The following WDR37 variants were observed in gnomAD, a reference collection of about 807,000 sequenced individuals.
The protein encoded by WDR37 is WD repeat domain 37.
WDR37 carries 19 observed loss-of-function variants against 62.9 expected under a neutral mutation model. That is an observed-to-expected ratio of 0.30 (90% confidence interval 0.21 to 0.44). The LOEUF (loss-of-function observed/expected upper bound fraction) is 0.44, where lower values mean the gene tolerates loss of function less well. WDR37 is among the 20% of genes least tolerant of loss of function. The pLI, the probability that WDR37 is intolerant of heterozygous loss-of-function variation, is 1.00. For synonymous variants in WDR37, 250 were observed against 260.9 expected (o/e 0.96, Z 0.40); for missense variants, 474 against 657.6 (o/e 0.72, Z 3.05).
rs752382360 is a variant in WDR37 at position 1,096,119 on chromosome 10, A to G, written c.650-51A>G. On this transcript the variant is annotated intron_variant, in intron 8 of 13. Coordinates refer to ENST00000263150, the MANE Select transcript of WDR37 (RefSeq NM_014023.4). ...TAGCCATAGTGGCGGTGAAGAGCGC[A>G]TTTTACCATGGTCTGTGCCTTGGGT... The G allele has an allele frequency of 3.1e-6, 5 of 1,591,746 alleles. No individual in the cohort carries two copies. The South Asian group carries it at 4.4e-5, about 14-fold the overall frequency.
At chr10:1,125,359 G>A (rs192628918) in intron 13 of WDR37, among the ~76,000 whole-genome samples, 1 of 152,206 alleles carries the variant, frequency 6.6e-6, no homozygotes, top group Non-Finnish European at 1.5e-5. Flanking sequence ...GAGTAGCTGA[G>A]ATTACAGGCA....
intron 11 of WDR37, among the ~76,000 whole-genome samples, chr10:1,117,484 A>AT (rs1835439015): frequency 6.6e-6 from 1 of 152,250 alleles, no homozygotes; most frequent in African/African-American, 2.4e-5. Flanking sequence ...GAACTCATAA[A>AT]TAAGGACTTA....
chr10:1,105,320 G>T lies in WDR37; in HGVS notation c.1103+53G>T, dbSNP rs1198232685. On this transcript the variant is annotated intron_variant, in intron 11 of 13. Coordinates refer to ENST00000263150, the MANE Select transcript of WDR37 (RefSeq NM_014023.4). This position sits in a 1 kb window ranked among gnomAD's most constrained non-coding sequence, Gnocchi z 5.3. ...CCTTAGTCATGAAAAAGTTCTGTGG[G>T]TTGACATGAAAACTTAATTCTAGCC... 11 of 1,564,644 alleles carry T rather than the reference G, an allele frequency of 7.0e-6. No homozygotes were observed. The highest frequency in any genetic ancestry group is 1.4e-5 in the African/African-American group (1 of 73,788).
chr10:1,089,538 G>A (rs1834311107), intron 7 of WDR37, among the ~76,000 whole-genome samples: 1 of 152,156 alleles, frequency 6.6e-6, no homozygotes, highest in South Asian at 2.1e-4. Context: ...TCCTGTTCTT[G>A]TGCCTGGCTT....
intron 9 of WDR37, among the ~76,000 whole-genome samples, chr10:1,097,887 C>T (rs12784270): frequency 0.39 from 58,870 of 152,012 alleles, 12,730 homozygotes; most frequent in South Asian, 0.52. Flanking sequence ...CCGTGGTTTA[C>T]GGCTGGAGGG....
intron 7 of WDR37, among the ~76,000 whole-genome samples, chr10:1,092,179 C>CAA (rs1216415362): frequency 0.011 from 757 of 68,812 alleles, 15 homozygotes; most frequent in African/African-American, 0.042. Flanking sequence ...GACTCCGTCT[C>CAA]AAAAAAAAAA....
At chr10:1,127,858 T>C (rs1417126383) in intron 13 of WDR37, among the ~76,000 whole-genome samples, 1 of 152,210 alleles carries the variant, frequency 6.6e-6, no homozygotes, top group African/African-American at 2.4e-5. Flanking sequence ...TGGGTGGCAA[T>C]GCTGTGGGCG....
At chr10:1,111,335 C>G (rs935934701) in intron 11 of WDR37, among the ~76,000 whole-genome samples, 9 of 152,164 alleles carry the variant, frequency 5.9e-5, no homozygotes, top group Admixed American at 4.6e-4. Context: ...GCTCTAAAGG[C>G]TTAAGGTAAC....
chr10:1,084,569 G>T (rs201134296), intron 6 of WDR37, 31 bp downstream of exon 6: 7 of 1,603,888 alleles, frequency 4.4e-6, no homozygotes, highest in Non-Finnish European at 5.1e-6. Context: ...GCCAGCCTGC[G>T]GAAGCATGGC....
chr10:1,129,118 G>A (rs1011463061), intron 13 of WDR37, 95 bp from the exon 14 acceptor site: 34 of 1,537,110 alleles, frequency 2.2e-5, no homozygotes, highest in African/African-American at 4.1e-5. Context: ...TATAACTTAC[G>A]TACTTTGAGT....
At chr10:1,077,817 C>T (rs1833924160) in intron 2 of WDR37, 90 bp from the exon 3 acceptor site, 4 of 949,214 alleles carry the variant, frequency 4.2e-6, no homozygotes, top group East Asian at 5.2e-5. Context: ...TAAGAGTTTA[C>T]AATAAAAGAT....
At chr10:1,110,231 C>T (rs1835169609) in intron 11 of WDR37, among the ~76,000 whole-genome samples, 1 of 152,184 alleles carries the variant, frequency 6.6e-6, no homozygotes, top group Admixed American at 6.5e-5. Context: ...GGTTTCTCAG[C>T]TGTGCGCATG....
intron 1 of WDR37, 66 bp from the exon 2 acceptor site, chr10:1,072,050 C>T (rs1165870493): frequency 1.2e-5 from 16 of 1,299,346 alleles, no homozygotes; most frequent in African/African-American, 1.2e-4. Context: ...TCATTATCTT[C>T]TTCACTGTTT....
intron 11 of WDR37, among the ~76,000 whole-genome samples, chr10:1,119,806 T>C (rs1176288500): frequency 6.6e-6 from 1 of 152,208 alleles, no homozygotes; most frequent in East Asian, 1.9e-4. Context: ...TAAATATTTG[T>C]TGCATGAACA....
intron 13 of WDR37, among the ~76,000 whole-genome samples, chr10:1,126,359 T>C (rs1293347752): frequency 2.7e-5 from 4 of 148,190 alleles, no homozygotes; most frequent in Non-Finnish European, 5.9e-5. Flanking sequence ...TGAGCTGAGA[T>C]CGCGCCACTG....
At chr10:1,066,081 A>G (rs561437479) in intron 1 of WDR37, among the ~76,000 whole-genome samples, 24 of 149,664 alleles carry the variant, frequency 1.6e-4, no homozygotes, top group African/African-American at 6.0e-4. Flanking sequence ...AAAAATAAAA[A>G]GAGAGATGTT....
intron 2 of WDR37, among the ~76,000 whole-genome samples, chr10:1,075,318 C>T (rs1288328999): frequency 2.1e-5 from 3 of 145,330 alleles, no homozygotes; most frequent in Non-Finnish European, 4.5e-5. Flanking sequence ...TTCTGGGGTA[C>T]ATGTGCACAA....
chr10:1,084,417 T>C lies in WDR37; in HGVS notation c.411T>C (p.Phe137=). ...KASTSKIVSS[F]KTTTSRAACQ... is the part of the protein sequence containing the mutation. Reference sequence around the variant, plus strand: ...CTTGGTTTCAGATTGTCTCCAGCTTTAAGACCACGACATCGAGAGCTGCCT... The same window carrying C: ...CTTGGTTTCAGATTGTCTCCAGCTTCAAGACCACGACATCGAGAGCTGCCT... Residue 137 remains phenylalanine (F), a synonymous_variant, in exon 6 of 14, where the codon TTT becomes TTC. Coordinates refer to ENST00000263150, the MANE Select transcript of WDR37 (RefSeq NM_014023.4). 6.2e-7 allele frequency: 1 copy of C among 1,613,926 alleles called. No individual in the cohort carries two copies. The highest frequency in any genetic ancestry group is 2.2e-5 in the East Asian group (1 of 44,874).
chr10:1,124,897 C>T lies in WDR37; in HGVS notation c.1239-13C>T. 1.9e-6 allele frequency: 3 copies of T among 1,613,710 alleles called. No individual in the cohort carries two copies. Among genetic ancestry groups the T allele is most frequent in the Non-Finnish European group, 1.7e-6 (2 of 1,179,900 alleles). On this transcript the variant is annotated splice_polypyrimidine_tract_variant and intron_variant, in intron 12 of 13. Coordinates refer to ENST00000263150, the MANE Select transcript of WDR37 (RefSeq NM_014023.4). ...TGTTTCATGCACAACCCACTTTTAC[C>T]TCTTCTTTGCAGGATCAATGTATGT...
Sources: gnomAD v4.1 joint callset for allele counts (sites outside exome capture counted in the v4.1 genomes callset) on GRCh38, gnomAD v4.1.1 for gene constraint, Gnocchi (gnomAD v3.1) non-coding constraint, MANE v1.5 for transcripts, NCBI Gene and HGNC (gene_info 2026-07-23, HGNC 2026-07-21) for gene names.